The following THOC5 variants were observed in gnomAD, a reference collection of about 807,000 sequenced individuals.
THOC5 encodes THO complex subunit 5.
A neutral mutation model predicts 92.9 loss-of-function variants in THOC5; 43 were observed. That is an observed-to-expected ratio of 0.46 (90% confidence interval 0.36 to 0.60). The LOEUF (loss-of-function observed/expected upper bound fraction) is 0.60, where lower values mean the gene tolerates loss of function less well. Among genes scored for constraint, THOC5 ranks in the 20% least tolerant of loss-of-function variants. The probability of loss-of-function intolerance (pLI) is 0.00; values close to 1 mark genes in which losing one functional copy is unlikely to be tolerated. For synonymous variants in THOC5, 296 were observed against 320.1 expected, an observed-to-expected ratio of 0.92 and a Z score of 0.80; for missense variants, 659 against 849.4, an observed-to-expected ratio of 0.78 and a Z score of 2.79.
rs2063141113 is a variant in THOC5 at position 29,506,239 on chromosome 22, C to T, written c.*2218G>A. The stretch of plus-strand genomic sequence containing the variant: ...TTTGACAAAACTGTCCAAGAATAGT[C>T]TATGCCATCCTTTACTTTGACTTGC... On this transcript the variant is annotated 3_prime_UTR_variant, in exon 20 of 20. Transcript: ENST00000490103. 1 of 152,170 alleles carries T rather than the reference C, an allele frequency of 6.6e-6. No individual in the cohort carries two copies. Among genetic ancestry groups the T allele is most frequent in the African/African-American group, 2.4e-5 (1 of 41,450 alleles). The allele number at this position is 152,170 out of a possible 1,614,324, so 9.4% of individuals were successfully genotyped here. A position where few individuals can be genotyped will look rare whatever the true frequency, so the allele number is the denominator to read the frequency against.
At position 29,544,623 on chromosome 22, in the gene THOC5, G is replaced by A. The variant is rs2063976212; in HGVS notation, c.97-20C>T. On this transcript the variant is annotated intron_variant, in intron 2 of 19. Transcript: ENST00000490103. ...ACCTTCCTGTAGAGGTAAGGATAAA[G>A]GCTCTGTGTGCATGGGGTAAAAGTC... The A allele has an allele frequency of 1.9e-6, 3 of 1,580,404 alleles. No individual in the cohort carries two copies. Among genetic ancestry groups the A allele is most frequent in the Non-Finnish European group, 2.6e-6 (3 of 1,159,868 alleles).
chr22:29,544,796 T>C (rs547074705), intron 2 of THOC5, among the ~76,000 whole-genome samples, 193 bp from the exon 3 acceptor site: 12 of 152,218 alleles, frequency 7.9e-5, no homozygotes, highest in Non-Finnish European at 1.5e-4. Flanking sequence ...TGCTTTCTGA[T>C]TGCAGAGTAA....
At chr22:29,541,885 AAAAAAAAAATATATAT>A (rs2063900166) in intron 5 of THOC5, among the ~76,000 whole-genome samples, 1 of 97,684 alleles carries the variant, frequency 1.0e-5, no homozygotes, top group Non-Finnish European at 2.0e-5. Flanking sequence ...AAAAAAAAAA[AAAAAAAAAATATATAT>A]ATATATATAT....
chr22:29,547,305 G>A (rs2064043400), intron 2 of THOC5, among the ~76,000 whole-genome samples: 1 of 152,008 alleles, frequency 6.6e-6, no homozygotes. Flanking sequence ...TTTCCAATAA[G>A]TTCCTCATCT....
intron 6 of THOC5, 58 bp downstream of exon 6, chr22:29,539,272 G>A (rs766508131): frequency 1.1e-5 from 17 of 1,567,182 alleles, no homozygotes; most frequent in Non-Finnish European, 1.5e-5. Flanking sequence ...CCTTATCCTG[G>A]GTCATGACAA....
intron 2 of THOC5, 30 bp from the exon 3 acceptor site, chr22:29,544,633 G>A: frequency 6.4e-7 from 1 of 1,555,266 alleles, no homozygotes; most frequent in Non-Finnish European, 8.7e-7. Context: ...GGCTCTGTGT[G>A]CATGGGGTAA....
chr22:29,550,341 T>C (rs2146574939), intron 1 of THOC5, among the ~76,000 whole-genome samples: 1 of 151,742 alleles, frequency 6.6e-6, no homozygotes, highest in Admixed American at 6.6e-5. Context: ...CTCCTAGTCC[T>C]GCCAGCCTCT....
Position 29,549,007 on chromosome 22 carries a change from T to C in THOC5, c.96+45A>G, listed in dbSNP as rs2064085951. The C allele has an allele frequency of 3.8e-6, 6 of 1,584,102 alleles. No homozygotes were observed. The East Asian group carries it at 9.0e-5, about 24-fold the overall frequency. On this transcript the variant is annotated intron_variant, in intron 2 of 19. Coordinates refer to ENST00000490103, the MANE Select transcript of THOC5 (RefSeq NM_003678.5). ...AAACACACAGCCAGGTGCTTGGCCA[T>C]GAGATGTAATTTCTCAGCAGCATGG...
intron 12 of THOC5, among the ~76,000 whole-genome samples, chr22:29,525,497 A>C (rs957147290): frequency 4.2e-4 from 64 of 150,690 alleles, no homozygotes; most frequent in African/African-American, 1.5e-3. Flanking sequence ...AGTGGCCTGA[A>C]TTTGGCAACC....
At chr22:29,509,208 G>A (rs1287748214) in intron 19 of THOC5, among the ~76,000 whole-genome samples, 2 of 151,140 alleles carry the variant, frequency 1.3e-5, no homozygotes, top group African/African-American at 4.9e-5. Context: ...GCCGGGAGGT[G>A]GAGGTTGCAG....
Position 29,549,106 on chromosome 22 carries a change from G to A in THOC5, c.42C>T (p.Ile14=). The change falls in exon 2 of 20, where the codon ATC becomes ATT. Residue 14 remains isoleucine (I), a synonymous_variant. Coordinates refer to ENST00000490103, the MANE Select transcript of THOC5 (RefSeq NM_003678.5). ...CTTCAGCTGGGGCTCCATCGCTTCG[G>A]ATCACTTTGGGCTTCCGTTTTTTGC... ...ESSKKRKPKV[I]RSDGAPAEGK... is the part of the protein sequence containing the mutation. 6.2e-7 allele frequency: 1 copy of A among 1,614,158 alleles called. No homozygotes were observed. Among genetic ancestry groups the A allele is most frequent in the Non-Finnish European group, 8.5e-7 (1 of 1,180,034 alleles).
At chr22:29,517,420 G>A in intron 15 of THOC5, 54 bp from the exon 16 acceptor site, 2 of 1,500,410 alleles carry the variant, frequency 1.3e-6, no homozygotes, top group Non-Finnish European at 1.8e-6. Context: ...TGCCACAGAT[G>A]GGTAACTAGC....
intron 1 of THOC5, among the ~76,000 whole-genome samples, chr22:29,552,565 G>A (rs984748666): frequency 1.3e-5 from 2 of 150,132 alleles, no homozygotes; most frequent in African/African-American, 2.5e-5. Flanking sequence ...CGCCCCGTCC[G>A]GGGGGGAGGT....
chr22:29,520,273 C>T (rs1274891994), intron 13 of THOC5, among the ~76,000 whole-genome samples, 169 bp from the exon 14 acceptor site: 3 of 151,688 alleles, frequency 2.0e-5, no homozygotes, highest in South Asian at 2.1e-4. Flanking sequence ...CAGTTCCCTA[C>T]TGTGAATTTC....
chr22:29,550,859 A>T (rs1021714723), intron 1 of THOC5: 1 of 152,184 alleles, frequency 6.6e-6, no homozygotes, highest in African/African-American at 2.4e-5. Flanking sequence ...GAGAAAGTTA[A>T]TCCCTTTTCA....
At chr22:29,544,123 T>G (rs2063962642) in intron 3 of THOC5, among the ~76,000 whole-genome samples, 1 of 152,204 alleles carries the variant, frequency 6.6e-6, no homozygotes, top group African/African-American at 2.4e-5. Flanking sequence ...TATCTACAAT[T>G]TACTTGTACA....
Position 29,543,462 on chromosome 22 carries a change from G to A in THOC5, c.321C>T (p.Ile107=). ...TLKKLNRLAH[I]RLKKGRDQTH... ...TCTGATCTCTTCCTTTCTTCAACCT[G>A]ATGTGGGCTAATCGGTTAAGCTTCT... The change falls in exon 4 of 20, where the codon ATC becomes ATT. Residue 107 remains isoleucine (I), a synonymous_variant. Coordinates refer to ENST00000490103, the MANE Select transcript of THOC5 (RefSeq NM_003678.5). 1.2e-6 allele frequency: 2 copies of A among 1,613,226 alleles called. No individual in the cohort carries two copies. The highest frequency in any genetic ancestry group is 8.5e-7 in the Non-Finnish European group (1 of 1,179,802).
Position 29,528,284 on chromosome 22 carries a change from A to G in THOC5, c.967-107T>C, listed in dbSNP as rs755224737. On this transcript the variant is annotated intron_variant, in intron 10 of 19. Transcript: ENST00000490103. ...CCTACTGCCTGGCACCTGCTGCTTC[A>G]GCTAGCTGGGTTGTCAGACTCCCCT... 1.2e-4 allele frequency: 192 copies of G among 1,613,862 alleles called. 1 individual carries two copies. The highest frequency in any genetic ancestry group is 1.5e-4 in the Non-Finnish European group (180 of 1,179,916).
intron 2 of THOC5, chr22:29,544,932 T>C: frequency 3.4e-6 from 1 of 291,136 alleles, no homozygotes. Context: ...AACATTTTAT[T>C]TGTAAACAAA....
Sources: gnomAD v4.1 joint callset for allele counts (sites outside exome capture counted in the v4.1 genomes callset) on GRCh38, gnomAD v4.1.1 for gene constraint, MANE v1.5 for transcripts, NCBI Gene and HGNC (gene_info 2026-07-23, HGNC 2026-07-21) for gene names.